Variants in ADAMTSL1 observed in about 807,000 individuals in gnomAD.
The protein encoded by ADAMTSL1 is ADAMTS like 1, also known as ADAMTS-like protein 1.
A neutral mutation model predicts 201.8 loss-of-function variants in ADAMTSL1; 126 were observed. The observed-to-expected ratio is 0.62, with a 90% CI of 0.54 to 0.72. The LOEUF is 0.72. Ranked by LOEUF, ADAMTSL1 falls within the 30% of genes least tolerant of loss-of-function variation. The pLI, the probability that ADAMTSL1 is intolerant of heterozygous loss-of-function variation, is 0.00. For missense variants in ADAMTSL1, 2,679 were observed against 2,277.8 expected, an observed-to-expected ratio of 1.18 and a Z score of -3.59; for synonymous variants, 1,121 against 903.4, an observed-to-expected ratio of 1.24 and a Z score of -4.32.
intron 1 of ADAMTSL1, among the ~76,000 whole-genome samples, chr9:18,484,606 T>A (rs1821894094): frequency 6.6e-6 from 1 of 152,180 alleles, no homozygotes; most frequent in Non-Finnish European, 1.5e-5. Context: ...TTTAAACCAG[T>A]CCCTCTTTCA....
At chr9:18,051,613 C>T (rs185889831) in intron 1 of ADAMTSL1, among the ~76,000 whole-genome samples, 21 of 151,378 alleles carry the variant, frequency 1.4e-4, no homozygotes, top group African/African-American at 5.1e-4. Flanking sequence ...TACAGTTAGG[C>T]TATTCATTTT....
chr9:18,405,018 C>T (rs1225367434), intron 2 of ADAMTSL1, among the ~76,000 whole-genome samples: 1 of 152,094 alleles, frequency 6.6e-6, no homozygotes, highest in African/African-American at 2.4e-5. Flanking sequence ...CTTGAATCTC[C>T]CTTTTCCTTT....
intron 21 of ADAMTSL1, 115 bp from the exon 22 acceptor site, chr9:18,826,169 T>A: frequency 8.0e-7 from 1 of 1,257,314 alleles, no homozygotes; most frequent in East Asian, 2.5e-5. Context: ...GTAGAAGATG[T>A]CCCTGTAGAG....
At chr9:18,649,327 GT>G (rs1338549566) in intron 7 of ADAMTSL1, among the ~76,000 whole-genome samples, 2 of 151,822 alleles carry the variant, frequency 1.3e-5, no homozygotes, top group African/African-American at 4.8e-5. Context: ...TTTGCCTTTG[GT>G]TTGAATTTCC....
chr9:18,139,593 G>C (rs960361060), intron 1 of ADAMTSL1, among the ~76,000 whole-genome samples: 1 of 152,030 alleles, frequency 6.6e-6, no homozygotes, highest in Admixed American at 6.6e-5. Flanking sequence ...CCAACTTTTA[G>C]GTATCCAAGA....
At chr9:18,031,039 C>T (rs1820929772) in intron 1 of ADAMTSL1, among the ~76,000 whole-genome samples, 1 of 152,132 alleles carries the variant, frequency 6.6e-6, no homozygotes, top group East Asian at 1.9e-4. Flanking sequence ...CTTAAAATGG[C>T]TACGTCATCT....
chr9:18,635,060 C>T (rs1827024828), intron 5 of ADAMTSL1, among the ~76,000 whole-genome samples: 1 of 151,544 alleles, frequency 6.6e-6, no homozygotes, highest in Non-Finnish European at 1.5e-5. Context: ...TTGTACTTCC[C>T]AGAAATTTCA....
chr9:18,516,237 A>G (rs887110752), intron 2 of ADAMTSL1, among the ~76,000 whole-genome samples: 2 of 152,158 alleles, frequency 1.3e-5, no homozygotes, highest in Non-Finnish European at 2.9e-5. Context: ...AGAAAGAGAG[A>G]GAAAGAAAGA....
chr9:17,954,969 T>C (rs891580322), intron 1 of ADAMTSL1, among the ~76,000 whole-genome samples: 5 of 152,132 alleles, frequency 3.3e-5, no homozygotes, highest in Non-Finnish European at 7.4e-5. Flanking sequence ...GGAAATGTAA[T>C]GGTAGCATCC....
chr9:18,811,481 C>T (rs1823506002), intron 20 of ADAMTSL1, among the ~76,000 whole-genome samples: 1 of 152,210 alleles, frequency 6.6e-6, no homozygotes, highest in Admixed American at 6.5e-5. Flanking sequence ...CCAGAACTCC[C>T]ACTCCTGCCC....
At chr9:18,241,962 T>C (rs909150429) in intron 2 of ADAMTSL1, among the ~76,000 whole-genome samples, 2 of 152,110 alleles carry the variant, frequency 1.3e-5, no homozygotes, top group Admixed American at 1.3e-4. Context: ...CCAATACTTA[T>C]GAAACTCTTC....
intron 14 of ADAMTSL1, among the ~76,000 whole-genome samples, chr9:18,717,171 C>T (rs1833000750): frequency 6.6e-6 from 1 of 150,472 alleles, no homozygotes; most frequent in South Asian, 2.1e-4. Flanking sequence ...ACCAGCATGG[C>T]ACATGTATAC....
At chr9:18,408,898 A>G (rs928851242) in intron 2 of ADAMTSL1, among the ~76,000 whole-genome samples, 1 of 152,210 alleles carries the variant, frequency 6.6e-6, no homozygotes. Context: ...AGAGTAAAAT[A>G]TAATATAGGA....
intron 2 of ADAMTSL1, among the ~76,000 whole-genome samples, chr9:18,315,153 G>C (rs938736624): frequency 6.6e-6 from 1 of 152,148 alleles, no homozygotes; most frequent in Non-Finnish European, 1.5e-5. Context: ...ACAGGGTGCT[G>C]ATTGGTGCAT....
At chr9:18,658,137 G>A (rs1025050460) in intron 8 of ADAMTSL1, among the ~76,000 whole-genome samples, 1 of 152,140 alleles carries the variant, frequency 6.6e-6, no homozygotes, top group Non-Finnish European at 1.5e-5. Flanking sequence ...ACCACGCCCG[G>A]CTAATTTTTT....
chr9:18,544,233 G>T (rs1160156076), intron 3 of ADAMTSL1, among the ~76,000 whole-genome samples: 1 of 152,120 alleles, frequency 6.6e-6, no homozygotes, highest in African/African-American at 2.4e-5. Flanking sequence ...CATTGCCTTG[G>T]TAAAAGCTAA....
intron 1 of ADAMTSL1, among the ~76,000 whole-genome samples, chr9:17,977,371 A>G (rs1818497278): frequency 6.6e-6 from 1 of 152,096 alleles, no homozygotes. Context: ...TTCTTCAAAA[A>G]GATTTTGAGA....
intron 4 of ADAMTSL1, among the ~76,000 whole-genome samples, chr9:18,619,286 C>G (rs12684130): frequency 0.27 from 41,188 of 151,956 alleles, 5,893 homozygotes; most frequent in East Asian, 0.48. Context: ...GATATCCCTG[C>G]AAACAATTTT....
intron 2 of ADAMTSL1, among the ~76,000 whole-genome samples, chr9:18,205,787 CT>C (rs1296829685): frequency 6.6e-6 from 1 of 152,068 alleles, no homozygotes; most frequent in Non-Finnish European, 1.5e-5. Flanking sequence ...GGCACGGTGG[CT>C]CATGCCTGTA....
Sources: gnomAD v4.1 joint callset for allele counts (sites outside exome capture counted in the v4.1 genomes callset) on GRCh38, gnomAD v4.1.1 for gene constraint, MANE v1.5 for transcripts, NCBI Gene and HGNC (gene_info 2026-07-23, HGNC 2026-07-21) for gene names.